DSCAM: variants seen among roughly 807,000 people sequenced by gnomAD.
The protein encoded by DSCAM is cell adhesion molecule DSCAM.
DSCAM carries 47 observed loss-of-function variants against 217.7 expected under a neutral mutation model. The ratio of observed to expected loss-of-function variants is 0.22; its 90% CI spans 0.17 to 0.28. DSCAM has a LOEUF of 0.28. Among genes scored for constraint, DSCAM ranks in the 10% least tolerant of loss-of-function variants. DSCAM has a pLI of 1.00. For synonymous variants in DSCAM, 1,056 were observed against 1,015.3 expected (o/e 1.04, Z -0.76); for missense variants, 2,080 against 2,618.3 (o/e 0.79, Z 4.49).
intron 3 of DSCAM, among the ~76,000 whole-genome samples, chr21:40,637,611 A>ATATC (rs1476661414): frequency 9.5e-5 from 7 of 74,020 alleles, no homozygotes; most frequent in African/African-American, 4.1e-4. Flanking sequence ...ATATAAATAT[A>ATATC]TATAAATATA....
intron 8 of DSCAM, among the ~76,000 whole-genome samples, chr21:40,315,396 T>A (rs1258993386): frequency 6.7e-6 from 1 of 148,364 alleles, no homozygotes; most frequent in Non-Finnish European, 1.5e-5. Flanking sequence ...AGAGCGAAAC[T>A]CCGTCTCAAA....
At chr21:40,422,494 T>C (rs1444132699) in intron 3 of DSCAM, among the ~76,000 whole-genome samples, 2 of 151,908 alleles carry the variant, frequency 1.3e-5, no homozygotes, top group Admixed American at 6.6e-5. Flanking sequence ...ATACAAAAAT[T>C]AGCCGGTCAT....
chr21:40,201,813 T>TA (rs537182355), intron 11 of DSCAM, among the ~76,000 whole-genome samples: 2 of 152,016 alleles, frequency 1.3e-5, no homozygotes, highest in Admixed American at 6.6e-5. Flanking sequence ...TCAATGATAG[T>TA]AAAAAAATAA....
At chr21:40,668,733 A>G (rs1429221702) in intron 3 of DSCAM, among the ~76,000 whole-genome samples, 1 of 152,224 alleles carries the variant, frequency 6.6e-6, no homozygotes, top group African/African-American at 2.4e-5. Context: ...AATAGATTGT[A>G]TTACAGTGAG....
In DSCAM at chr21:40,627,218, T is replaced by A. The variant is rs111453557; in HGVS notation, c.508+65592A>T. 1.8e-3 allele frequency among the ~76,000 whole-genome samples: 279 copies of A among 152,236 alleles called. 2 individuals carry two copies. The highest frequency in any genetic ancestry group is 1.9e-3 in the Non-Finnish European group (127 of 68,026). ...TCTAATAACCTGTGGCAAATAGAAG[T>A]GAATGCAAAGAACTAGGAGAGGACT... On this transcript the variant is annotated intron_variant, in intron 3 of 32. Coordinates refer to ENST00000400454, the MANE Select transcript of DSCAM (RefSeq NM_001389.5).
At chr21:40,304,762 G>A (rs2123471128) in intron 9 of DSCAM, among the ~76,000 whole-genome samples, 1 of 152,272 alleles carries the variant, frequency 6.6e-6, no homozygotes, top group African/African-American at 2.4e-5. Context: ...TAGGAAATAG[G>A]GAAGCTGAGA....
chr21:40,791,511 C>G (rs867709697), intron 1 of DSCAM, among the ~76,000 whole-genome samples: 1 of 151,992 alleles, frequency 6.6e-6, no homozygotes, highest in Admixed American at 6.5e-5. Flanking sequence ...AAAAATTAGC[C>G]GGGCGTGCTG....
At position 40,019,975 on chromosome 21, in the gene DSCAM, C is replaced by CATT. The variant is rs1439448569; in HGVS notation, c.5687-6592_5687-6590dup. ...CTCCTGTCTCTTTATCTCTTTCTCTCATTCCCTCCATTCTTTCCTTTATTT... is the reference window on the plus strand; with the variant it reads ...CTCCTGTCTCTTTATCTCTTTCTCTCATTATTCCCTCCATTCTTTCCTTTATTT... On this transcript the variant is annotated intron_variant, in intron 32 of 32. Coordinates refer to ENST00000400454, the MANE Select transcript of DSCAM (RefSeq NM_001389.5). 3.3e-5 allele frequency among the ~76,000 whole-genome samples: 5 copies of CATT among 152,220 alleles called. No homozygotes were observed. In the East Asian group the frequency reaches 9.7e-4, roughly 29 times the overall value.
At chr21:40,572,679 A>T (rs767251559) in intron 3 of DSCAM, among the ~76,000 whole-genome samples, 2 of 152,194 alleles carry the variant, frequency 1.3e-5, no homozygotes, top group Non-Finnish European at 2.9e-5. Flanking sequence ...TCTAATGCTA[A>T]GAGTCACTCC....
chr21:40,098,019 G>A (rs1033983663), intron 20 of DSCAM, among the ~76,000 whole-genome samples: 1 of 121,044 alleles, frequency 8.3e-6, no homozygotes, highest in Non-Finnish European at 1.9e-5. Context: ...AGAAAGAAAT[G>A]TACTTGAAAT....
chr21:40,385,427 T>G (rs2075074050), intron 3 of DSCAM: 2 of 152,232 alleles, frequency 1.3e-5, no homozygotes, highest in Non-Finnish European at 2.9e-5. Flanking sequence ...CATTAAATGT[T>G]TGTCAAATGA....
chr21:40,511,819 G>A (rs139670561), intron 3 of DSCAM, among the ~76,000 whole-genome samples: 10 of 151,280 alleles, frequency 6.6e-5, no homozygotes, highest in African/African-American at 2.2e-4. Flanking sequence ...GTGAAACCCC[G>A]TCTCTATTAA....
At chr21:40,293,594 A>C (rs1363953173) in intron 10 of DSCAM, among the ~76,000 whole-genome samples, 1 of 152,196 alleles carries the variant, frequency 6.6e-6, no homozygotes, top group Admixed American at 6.5e-5. Flanking sequence ...AACATTACAC[A>C]GACATTAAAA....
At chr21:40,287,789 G>A (rs558289634) in intron 10 of DSCAM, among the ~76,000 whole-genome samples, 2 of 152,288 alleles carry the variant, frequency 1.3e-5, no homozygotes, top group South Asian at 2.1e-4. Context: ...GGGACTGTGC[G>A]TGGTGAGTGC....
chr21:40,372,533 A>G (rs2074909132), intron 3 of DSCAM, among the ~76,000 whole-genome samples: 1 of 152,178 alleles, frequency 6.6e-6, no homozygotes, highest in Admixed American at 6.5e-5. Context: ...CATTTTGGAC[A>G]TCGATTATTG....
At chr21:40,111,934 C>A (rs1401543463) in intron 20 of DSCAM, among the ~76,000 whole-genome samples, 1 of 152,016 alleles carries the variant, frequency 6.6e-6, no homozygotes, top group Non-Finnish European at 1.5e-5. Flanking sequence ...TAGAGACCTA[C>A]AAAGAGACTT....
At chr21:40,567,275 C>T (rs935263265) in intron 3 of DSCAM, among the ~76,000 whole-genome samples, 1 of 152,204 alleles carries the variant, frequency 6.6e-6, no homozygotes, top group Non-Finnish European at 1.5e-5. Context: ...CGGTCTTCCA[C>T]CACCCATTAA....
intron 3 of DSCAM, among the ~76,000 whole-genome samples, chr21:40,551,688 TTTCC>T (rs2076631274): frequency 6.6e-6 from 1 of 152,188 alleles, no homozygotes; most frequent in Non-Finnish European, 1.5e-5. Flanking sequence ...AATATTTTGA[TTTCC>T]TTCTTTATCT....
chr21:40,844,153 A>T (rs1179279905), intron 1 of DSCAM, among the ~76,000 whole-genome samples: 1 of 152,210 alleles, frequency 6.6e-6, no homozygotes, highest in Admixed American at 6.5e-5. Flanking sequence ...AGTTTAATTC[A>T]GATAGGTAGA....
Sources: allele counts gnomAD v4.1 joint callset (sites outside exome capture counted in the v4.1 genomes callset), GRCh38; gene constraint gnomAD v4.1.1; transcripts MANE v1.5; gene names NCBI Gene and HGNC (gene_info 2026-07-23, HGNC 2026-07-21).